The following PIERCE2 variants were observed in gnomAD, a reference collection of about 807,000 sequenced individuals.
PIERCE2 encodes the protein piercer of microtubule wall 2 protein.
At chr15:55,414,135 G>A in the PIERCE2 span, among the ~76,000 whole-genome samples, 5,502 of 151,440 alleles carry the variant, frequency 0.036, 140 homozygotes, top group Non-Finnish European at 0.056. Context: ...CTGACCCTGT[G>A]ATCTGCCCGC....
the PIERCE2 span, chr15:55,418,517 G>A: frequency 3.9e-6 from 6 of 1,523,966 alleles, no homozygotes; most frequent in Non-Finnish European, 5.3e-6. Flanking sequence ...TCTAAATACT[G>A]CACCTGACAG....
the PIERCE2 span, among the ~76,000 whole-genome samples, chr15:55,414,677 G>C: frequency 1.3e-5 from 2 of 151,178 alleles, no homozygotes; most frequent in Non-Finnish European, 3.0e-5. Context: ...TCAGAAGTCC[G>C]AGGCCAGCCT....
chr15:55,416,096 T>TGA, the PIERCE2 span, among the ~76,000 whole-genome samples: 1 of 143,306 alleles, frequency 7.0e-6, no homozygotes, highest in African/African-American at 2.6e-5. Flanking sequence ...TTAAACATTG[T>TGA]TATATATATA....
chr15:55,418,520 C>T, the PIERCE2 span: 1 of 1,522,628 alleles, frequency 6.6e-7, no homozygotes, highest in Non-Finnish European at 8.8e-7. Context: ...AAATACTGCA[C>T]CTGACAGAAC....
chr15:55,415,878 G>A, the PIERCE2 span, among the ~76,000 whole-genome samples: 1 of 151,824 alleles, frequency 6.6e-6, no homozygotes, highest in African/African-American at 2.4e-5. Flanking sequence ...CAATATGAGG[G>A]GTGGTCTTCT....
the PIERCE2 span, among the ~76,000 whole-genome samples, chr15:55,409,528 G>C: frequency 5.3e-5 from 8 of 152,122 alleles, no homozygotes; most frequent in South Asian, 1.7e-3. Flanking sequence ...AATAATAAAC[G>C]TAAACATTAG....
the PIERCE2 span, among the ~76,000 whole-genome samples, chr15:55,413,131 G>A: frequency 5.9e-5 from 9 of 152,104 alleles, no homozygotes; most frequent in African/African-American, 1.9e-4. Flanking sequence ...AGCCGGGCAC[G>A]GTGGCTGGCG....
chr15:55,413,984 A>G, the PIERCE2 span, among the ~76,000 whole-genome samples: 1 of 148,236 alleles, frequency 6.7e-6, no homozygotes, highest in African/African-American at 2.5e-5. Flanking sequence ...GGCAAGCTCC[A>G]TCTCCCAGGT....
chr15:55,412,764 T>C, the PIERCE2 span, among the ~76,000 whole-genome samples: 2 of 151,718 alleles, frequency 1.3e-5, no homozygotes, highest in African/African-American at 4.8e-5. Context: ...GGCAACAAAG[T>C]GAGATCTCTG....
the PIERCE2 span, among the ~76,000 whole-genome samples, chr15:55,417,287 A>C: frequency 6.6e-6 from 1 of 152,140 alleles, no homozygotes; most frequent in Non-Finnish European, 1.5e-5. Context: ...GACTTTTGCC[A>C]TACTTTGTCC....
At chr15:55,417,923 A>G in the PIERCE2 span, 20 of 511,674 alleles carry the variant, frequency 3.9e-5, no homozygotes, top group Non-Finnish European at 6.2e-5. Context: ...CAGGGGTCAC[A>G]AGGTGCTCAG....
At chr15:55,414,833 G>A in the PIERCE2 span, among the ~76,000 whole-genome samples, 4 of 151,970 alleles carry the variant, frequency 2.6e-5, no homozygotes, top group Non-Finnish European at 5.9e-5. Context: ...AGCCGAGATG[G>A]CGCCACTACA....
the PIERCE2 span, among the ~76,000 whole-genome samples, chr15:55,413,459 T>C: frequency 6.6e-6 from 1 of 151,542 alleles, no homozygotes; most frequent in Non-Finnish European, 1.5e-5. Flanking sequence ...AAAGCTGCCC[T>C]TTAAGAATGT....
chr15:55,413,084 C>T, the PIERCE2 span, among the ~76,000 whole-genome samples: 4 of 151,860 alleles, frequency 2.6e-5, no homozygotes, highest in East Asian at 1.9e-4. Flanking sequence ...CTGGCTAACA[C>T]GGTGAAACCC....
the PIERCE2 span, among the ~76,000 whole-genome samples, chr15:55,413,327 T>C: frequency 6.6e-6 from 1 of 151,550 alleles, no homozygotes; most frequent in African/African-American, 2.4e-5. Flanking sequence ...TAGTCCTAGC[T>C]ACTTGGGAGG....
At chr15:55,415,764 C>A in the PIERCE2 span, among the ~76,000 whole-genome samples, 1 of 152,248 alleles carries the variant, frequency 6.6e-6, no homozygotes, top group Non-Finnish European at 1.5e-5. Context: ...CGATCTTTAA[C>A]TACCAGGCCC....
chr15:55,413,201 G>T, the PIERCE2 span, among the ~76,000 whole-genome samples: 1 of 151,716 alleles, frequency 6.6e-6, no homozygotes, highest in African/African-American at 2.4e-5. Flanking sequence ...CCAGGAGGTG[G>T]AGCTTGCAGT....
chr15:55,411,814 G>C, the PIERCE2 span, among the ~76,000 whole-genome samples: 1 of 152,038 alleles, frequency 6.6e-6, no homozygotes, highest in East Asian at 1.9e-4. Context: ...ACAGCTACTC[G>C]GGAGTCTGAG....
the PIERCE2 span, among the ~76,000 whole-genome samples, chr15:55,413,238 G>C: frequency 6.7e-6 from 1 of 149,622 alleles, no homozygotes; most frequent in East Asian, 2.0e-4. Flanking sequence ...ACTGCACTCC[G>C]GCCTGGGCAA....
Sources: gnomAD v4.1 joint callset for allele counts (sites outside exome capture counted in the v4.1 genomes callset) on GRCh38, gnomAD v4.1.1 for gene constraint, MANE v1.5 for transcripts, NCBI Gene and HGNC (gene_info 2026-07-23, HGNC 2026-07-21) for gene names.